PHTF2: variants seen among roughly 807,000 people sequenced by gnomAD.
PHTF2 encodes protein PHTF2.
In PHTF2, 60 loss-of-function variants were observed where a neutral mutation model predicts 101.2. The ratio of observed to expected loss-of-function variants is 0.59; its 90% CI spans 0.48 to 0.73. The LOEUF is 0.73. Ranked by LOEUF, PHTF2 falls within the 30% of genes least tolerant of loss-of-function variation. PHTF2 has a pLI of 0.00. For synonymous variants in PHTF2, 311 were observed against 307.3 expected, an observed-to-expected ratio of 1.01 and a Z score of -0.13; for missense variants, 747 against 908.7, an observed-to-expected ratio of 0.82 and a Z score of 2.29.
intron 3 of PHTF2, among the ~76,000 whole-genome samples, 167 bp from the exon 3 acceptor site, chr7:77,893,441 T>C (rs1239278638): frequency 6.6e-6 from 1 of 152,174 alleles, no homozygotes; most frequent in African/African-American, 2.4e-5. Flanking sequence ...CCTGAAATCA[T>C]ACTTTGAGAA....
chr7:77,871,695 G>T (rs889167817), intron 3 of PHTF2, among the ~76,000 whole-genome samples: 1 of 152,162 alleles, frequency 6.6e-6, no homozygotes, highest in Non-Finnish European at 1.5e-5. Context: ...CCTAGTTGCC[G>T]TTGTAATTGT....
intron 11 of PHTF2, among the ~76,000 whole-genome samples, chr7:77,925,895 A>G (rs931316244): frequency 6.6e-5 from 10 of 152,052 alleles, no homozygotes; most frequent in Non-Finnish European, 1.3e-4. Context: ...GTCTCTACGA[A>G]AAATACAAAA....
intron 3 of PHTF2, among the ~76,000 whole-genome samples, chr7:77,866,218 T>G (rs1584529851): frequency 1.3e-5 from 2 of 150,082 alleles, no homozygotes; most frequent in Admixed American, 6.6e-5. Flanking sequence ...TTAAACGTAA[T>G]AGTTTATTCT....
At chr7:77,941,981 A>G (rs1180030346) in intron 15 of PHTF2, among the ~76,000 whole-genome samples, 1 of 152,098 alleles carries the variant, frequency 6.6e-6, no homozygotes, top group Non-Finnish European at 1.5e-5. Flanking sequence ...TTTCATTTTG[A>G]AACACTCTCC....
At chr7:77,834,213 C>A (rs1795276712) in intron 1 of PHTF2, among the ~76,000 whole-genome samples, 1 of 149,924 alleles carries the variant, frequency 6.7e-6, no homozygotes, top group African/African-American at 2.5e-5. Context: ...ATTTTGGGGG[C>A]TGAGGCAGAA....
intron 1 of PHTF2, among the ~76,000 whole-genome samples, chr7:77,805,307 C>A (rs1262889711): frequency 6.6e-6 from 1 of 152,138 alleles, no homozygotes; most frequent in Non-Finnish European, 1.5e-5. Flanking sequence ...TCTTTTCTCT[C>A]CTATTCTCCT....
chr7:77,928,972 G>A, intron 11 of PHTF2, 137 bp from the exon 11 acceptor site: 1 of 606,284 alleles, frequency 1.6e-6, no homozygotes, highest in South Asian at 2.1e-5. Context: ...ATTTTGTAAT[G>A]TTTTGCTGTC....
intron 7 of PHTF2, among the ~76,000 whole-genome samples, chr7:77,904,572 T>G (rs549507286): frequency 6.6e-6 from 1 of 152,332 alleles, no homozygotes; most frequent in South Asian, 2.1e-4. Flanking sequence ...CTGATGAGGC[T>G]TCTCTGACTT....
At chr7:77,914,189 T>TAA (rs1288874060) in intron 9 of PHTF2, among the ~76,000 whole-genome samples, 2 of 151,798 alleles carry the variant, frequency 1.3e-5, no homozygotes, top group African/African-American at 4.8e-5. Context: ...AAATCACATA[T>TAA]AAACCCACTG....
intron 3 of PHTF2, among the ~76,000 whole-genome samples, chr7:77,855,278 G>T (rs566039675): frequency 6.6e-6 from 1 of 152,194 alleles, no homozygotes; most frequent in Non-Finnish European, 1.5e-5. Flanking sequence ...CTACAGCCTC[G>T]AATGGGCACT....
intron 1 of PHTF2, among the ~76,000 whole-genome samples, chr7:77,815,168 G>A (rs1793759736): frequency 6.6e-6 from 1 of 152,068 alleles, no homozygotes; most frequent in Admixed American, 6.6e-5. Context: ...CCTTGTTTAT[G>A]GTATAATAGC....
intron 1 of PHTF2, among the ~76,000 whole-genome samples, chr7:77,818,773 T>G (rs1450943465): frequency 6.6e-6 from 1 of 152,228 alleles, no homozygotes; most frequent in Non-Finnish European, 1.5e-5. Flanking sequence ...TTGTTTTTTC[T>G]GTTTCTGTGA....
At chr7:77,872,633 C>T (rs528708675) in intron 3 of PHTF2, among the ~76,000 whole-genome samples, 2 of 152,278 alleles carry the variant, frequency 1.3e-5, no homozygotes, top group Admixed American at 6.5e-5. Context: ...TGAGTGACTG[C>T]ACTTCCCACT....
intron 3 of PHTF2, among the ~76,000 whole-genome samples, chr7:77,886,017 G>T (rs141337398): frequency 6.6e-6 from 1 of 152,314 alleles, no homozygotes; most frequent in East Asian, 1.9e-4. Context: ...CTGTTCATTA[G>T]TTAAGGAAAC....
At chr7:77,856,724 C>T (rs1797215842) in intron 3 of PHTF2, among the ~76,000 whole-genome samples, 1 of 151,888 alleles carries the variant, frequency 6.6e-6, no homozygotes, top group African/African-American at 2.4e-5. Flanking sequence ...TACAGTATAA[C>T]AACTATTTAC....
In PHTF2 at chr7:77,929,136, A is replaced by G. The variant is rs375263249; in HGVS notation, c.1147A>G (p.Ser383Gly). 11 of 1,613,824 alleles carry G rather than the reference A, an allele frequency of 6.8e-6. No individual in the cohort carries two copies. In the East Asian group the frequency reaches 8.9e-5, roughly 13 times the overall value. Reference sequence around the variant, plus strand: ...CGCCCCTAAATCGGGTACTAGTTGCAGCTCTCGCTGTTCAAGTTCCAGACA... The same window carrying G: ...CGCCCCTAAATCGGGTACTAGTTGCGGCTCTCGCTGTTCAAGTTCCAGACA... Residue 383 changes from serine (S) to glycine (G), a missense_variant, in exon 12 of 20, where the codon AGC (serine) becomes GGC (glycine). Around this residue, in one of 6 missense-constraint regions of PHTF2, gnomAD observed 349 missense variants for 369.7 expected, o/e 0.94. Coordinates refer to ENST00000416283, the Ensembl canonical transcript of PHTF2.
At chr7:77,820,036 TG>T (rs1297567573) in intron 1 of PHTF2, among the ~76,000 whole-genome samples, 1 of 152,118 alleles carries the variant, frequency 6.6e-6, no homozygotes, top group Non-Finnish European at 1.5e-5. Flanking sequence ...ATTACAGGCA[TG>T]CACCACCACA....
intron 18 of PHTF2, among the ~76,000 whole-genome samples, chr7:77,952,663 G>A (rs1806653109): frequency 6.6e-6 from 1 of 152,162 alleles, no homozygotes; most frequent in Non-Finnish European, 1.5e-5. Flanking sequence ...CAGAGTGTAG[G>A]CACTGTGTAG....
chr7:77,871,628 T>C (rs1798527359), intron 3 of PHTF2, among the ~76,000 whole-genome samples: 2 of 152,064 alleles, frequency 1.3e-5, no homozygotes, highest in Admixed American at 6.6e-5. Context: ...AACAGTACCA[T>C]ATATTGGATG....
Sources: allele counts gnomAD v4.1 joint callset (sites outside exome capture counted in the v4.1 genomes callset), GRCh38; gene constraint gnomAD v4.1.1; regional missense constraint gnomAD v4.1.1; transcripts MANE v1.5; gene names NCBI Gene and HGNC (gene_info 2026-07-23, HGNC 2026-07-21).